Variants in PRKAR1A observed in about 807,000 individuals in gnomAD.
PRKAR1A encodes the protein cAMP-dependent protein kinase type I-alpha regulatory subunit.
PRKAR1A carries 3 observed loss-of-function variants against 52.0 expected under a neutral mutation model. The observed-to-expected ratio is 0.06, with a 90% CI of 0.03 to 0.15. The LOEUF (loss-of-function observed/expected upper bound fraction) is 0.15. Ranked by LOEUF, PRKAR1A falls within the 10% of genes least tolerant of loss-of-function variation. The probability of loss-of-function intolerance (pLI) is 1.00; values close to 1 mark genes in which losing one functional copy is unlikely to be tolerated. For missense variants in PRKAR1A, 240 were observed against 477.4 expected (o/e 0.50, Z 4.63); for synonymous variants, 188 against 168.4 (o/e 1.12, Z -0.90).
chr17:68,546,679 AATT>A (rs1009384039), intron 11 of PRKAR1A, among the ~76,000 whole-genome samples: 14 of 152,080 alleles, frequency 9.2e-5, no homozygotes, highest in African/African-American at 3.1e-4. Context: ...AAATACAAAA[AATT>A]ATCCGGGCAT....
At position 68,542,406 on chromosome 17, in the gene PRKAR1A, A is replaced by G. The variant is rs541631796; in HGVS notation, c.974-8678A>G. Among the ~76,000 whole-genome samples the G allele has an allele frequency of 3.3e-5, 5 of 152,284 alleles. No homozygotes were observed. The East Asian group carries it at 9.6e-4, about 29-fold the overall frequency. On this transcript the variant is annotated intron_variant, in intron 11 of 11. Transcript: ENST00000585981. ...TACTGCATTCTATCCTTATGAGTAG[A>G]ACACTCTTTATTACCCTGGGTGGAT...
the PRKAR1A span, among the ~76,000 whole-genome samples, chr17:68,463,642 G>C: frequency 1.3e-5 from 2 of 152,228 alleles, no homozygotes; most frequent in East Asian, 3.8e-4. Context: ...ATTTTGCATA[G>C]GGTGGGCAGG....
the PRKAR1A span, among the ~76,000 whole-genome samples, chr17:68,502,190 G>A: frequency 6.6e-6 from 1 of 152,120 alleles, no homozygotes; most frequent in Non-Finnish European, 1.5e-5. Flanking sequence ...TGTGCACTTG[G>A]TCACATCTCT....
chr17:68,442,766 C>G, the PRKAR1A span, among the ~76,000 whole-genome samples: 1 of 152,154 alleles, frequency 6.6e-6, no homozygotes, highest in Non-Finnish European at 1.5e-5. Context: ...CAACTGTGTC[C>G]GCACCCCAGA....
the PRKAR1A span, chr17:68,424,687 C>G: frequency 8.7e-6 from 3 of 343,270 alleles, no homozygotes; most frequent in Non-Finnish European, 1.7e-5. Flanking sequence ...ACCAGCGTGA[C>G]CAACATGGTG....
chr17:68,444,682 T>TCTG, the PRKAR1A span: 1 of 1,060,894 alleles, frequency 9.4e-7, no homozygotes, highest in Non-Finnish European at 1.4e-6. Flanking sequence ...GAGTCCTAAC[T>TCTG]TGATTCTAAG....
chr17:68,475,617 C>A, the PRKAR1A span, among the ~76,000 whole-genome samples: 3 of 152,170 alleles, frequency 2.0e-5, no homozygotes, highest in African/African-American at 7.2e-5. Flanking sequence ...GCGTGTGCCA[C>A]CACGCCTGGC....
chr17:68,511,547 G>C (rs1005487177), upstream of PRKAR1A, among the ~76,000 whole-genome samples: 2 of 152,130 alleles, frequency 1.3e-5, no homozygotes, highest in East Asian at 3.8e-4. Context: ...CAGGAGTGAT[G>C]GGGGGGCACT....
intron 11 of PRKAR1A, among the ~76,000 whole-genome samples, chr17:68,549,499 A>G (rs1335490176): frequency 2.6e-5 from 4 of 151,974 alleles, no homozygotes; most frequent in Non-Finnish European, 5.9e-5. Flanking sequence ...CATCTCAAAA[A>G]AAAAAAAAAA....
At chr17:68,537,823 G>A, downstream of PRKAR1A, 1 of 1,463,882 alleles carries the variant, frequency 6.8e-7, no homozygotes, top group Non-Finnish European at 9.3e-7. The surrounding 1 kb of genome is among the most constrained non-coding windows in gnomAD (Gnocchi z 4.2). Context: ...ACAAACAGCT[G>A]TTGTAGCTGA....
chr17:68,531,202 C>T lies in PRKAR1A; in HGVS notation c.*753C>T, dbSNP rs756419917. 2.0e-5 allele frequency: 21 copies of T among 1,066,092 alleles called. No individual in the cohort carries two copies. The highest frequency in any genetic ancestry group is 4.5e-5 in the South Asian group (1 of 21,984). 66.0% of individuals were successfully genotyped at this position (1,066,092 alleles called of 1,614,324 possible). On this transcript the variant is annotated 3_prime_UTR_variant, in exon 11 of 11. Transcript: ENST00000589228. ...AATATTGGTTAGTATTTAACTACAT[C>T]TGCCTCGGCTCACAAATTCCGATTA...
chr17:68,504,656 A>ATAGAT, the PRKAR1A span, among the ~76,000 whole-genome samples: 1 of 152,140 alleles, frequency 6.6e-6, no homozygotes, highest in Non-Finnish European at 1.5e-5. Flanking sequence ...ACTGATGGAG[A>ATAGAT]TAGAGAGCAG....
Position 68,525,736 on chromosome 17 carries a change from A to C in PRKAR1A, c.550-18A>C. The C allele has an allele frequency of 6.2e-7, 1 of 1,613,532 alleles. No homozygotes were observed. The highest frequency in any genetic ancestry group is 8.5e-7 in the Non-Finnish European group (1 of 1,179,618). ...TGTATCTAGAAAATAAACTTTTTTG[A>C]TGTCACTTGCACTTTAGGTCTATGT... On this transcript the variant is annotated intron_variant, in intron 6 of 10. Coordinates refer to ENST00000589228, the MANE Select transcript of PRKAR1A (RefSeq NM_002734.5).
the PRKAR1A span, among the ~76,000 whole-genome samples, chr17:68,433,041 G>A: frequency 6.6e-6 from 1 of 152,206 alleles, no homozygotes; most frequent in Non-Finnish European, 1.5e-5. Flanking sequence ...CAGTGGTGCT[G>A]CTGGCAACAA....
the PRKAR1A span, among the ~76,000 whole-genome samples, chr17:68,477,984 A>G: frequency 2.0e-5 from 3 of 152,170 alleles, no homozygotes; most frequent in Non-Finnish European, 4.4e-5. Context: ...CAGCCTCCCA[A>G]AGTGCTGGGA....
At chr17:68,518,520 T>C (rs2085501561) in intron 2 of PRKAR1A, among the ~76,000 whole-genome samples, 1 of 152,204 alleles carries the variant, frequency 6.6e-6, no homozygotes, top group Admixed American at 6.5e-5. Flanking sequence ...GCCAGAGCTG[T>C]ACCTTTTAGC....
At chr17:68,456,811 C>G in the PRKAR1A span, among the ~76,000 whole-genome samples, 1 of 152,224 alleles carries the variant, frequency 6.6e-6, no homozygotes, top group African/African-American at 2.4e-5. Context: ...GGGACAGGGG[C>G]TGGCCTGGCC....
chr17:68,509,832 A>G (rs1196043038), upstream of PRKAR1A, among the ~76,000 whole-genome samples: 3 of 152,190 alleles, frequency 2.0e-5, no homozygotes, highest in Admixed American at 6.5e-5. Flanking sequence ...TTTGGCACCT[A>G]GAACAAGGTT....
At chr17:68,445,725 C>T in the PRKAR1A span, among the ~76,000 whole-genome samples, 1 of 152,196 alleles carries the variant, frequency 6.6e-6, no homozygotes. Flanking sequence ...AACGCATAGC[C>T]CAGTACAAGG....
Sources: gnomAD v4.1 joint callset for allele counts (sites outside exome capture counted in the v4.1 genomes callset) on GRCh38, gnomAD v4.1.1 for gene constraint, Gnocchi (gnomAD v3.1) non-coding constraint, MANE v1.5 for transcripts, NCBI Gene and HGNC (gene_info 2026-07-23, HGNC 2026-07-21) for gene names.